CNBD1: variants seen among roughly 807,000 people sequenced by gnomAD.
CNBD1 encodes cyclic nucleotide-binding domain-containing protein 1.
CNBD1 carries 71 observed loss-of-function variants against 54.4 expected under a neutral mutation model. That is an observed-to-expected ratio of 1.30 (90% CI 1.08 to 1.59). The LOEUF (loss-of-function observed/expected upper bound fraction) is 1.59. Among genes scored for constraint, CNBD1 ranks in the 40% most tolerant of loss-of-function variants. The pLI is 0.00. For synonymous variants in CNBD1, 182 were observed against 170.7 expected, an observed-to-expected ratio of 1.07 and a Z score of -0.51; for missense variants, 659 against 518.0, an observed-to-expected ratio of 1.27 and a Z score of -2.64.
At chr8:87,025,542 G>A (rs1412543634) in intron 4 of CNBD1, among the ~76,000 whole-genome samples, 1 of 151,282 alleles carries the variant, frequency 6.6e-6, no homozygotes, top group East Asian at 1.9e-4. Context: ...CTTTACTCTT[G>A]AAATCAGCGA....
chr8:87,201,445 G>A (rs977239446), intron 4 of CNBD1, among the ~76,000 whole-genome samples: 1 of 152,142 alleles, frequency 6.6e-6, no homozygotes, highest in Non-Finnish European at 1.5e-5. Context: ...AACTATCTCT[G>A]TTTGCAAATG....
intron 10 of CNBD1, among the ~76,000 whole-genome samples, chr8:87,373,071 A>G (rs948233805): frequency 6.6e-6 from 1 of 151,912 alleles, no homozygotes; most frequent in Non-Finnish European, 1.5e-5. Context: ...GACCATTTCA[A>G]GTATTTGGAT....
chr8:86,919,030 T>A (rs374618370), intron 3 of CNBD1, among the ~76,000 whole-genome samples: 1,631 of 150,934 alleles, frequency 0.011, 7 homozygotes, highest in African/African-American at 0.014. Flanking sequence ...CTTTTTTTTT[T>A]AAAAAAAAAG....
chr8:87,266,903 G>C lies in CNBD1; in HGVS notation c.772-17775G>C, dbSNP rs559107382. Among the ~76,000 whole-genome samples the C allele has an allele frequency of 2.0e-5, 3 of 152,190 alleles. No individual in the cohort carries two copies. The South Asian group carries it at 6.2e-4, about 32-fold the overall frequency. ...ATAAAACTTAATTTAGGCATCACAT[G>C]CCTAATGATGAAAGGAAAGACTTCG... On this transcript the variant is annotated intron_variant, in intron 6 of 10. Transcript: ENST00000518476.
intron 6 of CNBD1, among the ~76,000 whole-genome samples, chr8:87,240,078 ACAC>A (rs1807664137): frequency 6.7e-6 from 1 of 150,280 alleles, no homozygotes; most frequent in African/African-American, 2.4e-5. Context: ...ACACACACAC[ACAC>A]ACACACACAC....
chr8:87,260,536 C>T (rs1357622825), intron 6 of CNBD1, among the ~76,000 whole-genome samples: 1 of 152,114 alleles, frequency 6.6e-6, no homozygotes, highest in African/African-American at 2.4e-5. Context: ...CAAAACTTTA[C>T]AGGGGAGATA....
rs115551314 is a variant in CNBD1 at position 86,968,601 on chromosome 8, A to G, written c.431+28847A>G. Among the ~76,000 whole-genome samples the G allele has an allele frequency of 6.6e-3, 998 of 152,338 alleles. 19 individuals are homozygous for G. The highest frequency in any genetic ancestry group is 0.023 in the African/African-American group (945 of 41,588). ...CAAAGATGATTTTGAAGGCCTCAGT[A>G]TTCAAAGGAGAAGGGCAGATATTTG... is the stretch of plus-strand genomic sequence containing the variant. On this transcript the variant is annotated intron_variant, in intron 4 of 10. Transcript: ENST00000518476.
chr8:87,083,498 C>T (rs1418172509), intron 4 of CNBD1, among the ~76,000 whole-genome samples: 1 of 151,890 alleles, frequency 6.6e-6, no homozygotes, highest in Non-Finnish European at 1.5e-5. Context: ...AACCAACTGT[C>T]AACCAAAAAT....
chr8:86,904,999 C>T (rs1177075300), intron 2 of CNBD1, 82 bp from the exon 3 acceptor site: 8 of 654,820 alleles, frequency 1.2e-5, no homozygotes, highest in Admixed American at 8.0e-5. Flanking sequence ...AGAATTGATA[C>T]GTATATATTG....
chr8:87,042,888 T>C (rs1810102953), intron 4 of CNBD1, among the ~76,000 whole-genome samples: 1 of 152,144 alleles, frequency 6.6e-6, no homozygotes, highest in South Asian at 2.1e-4. Flanking sequence ...ATTATATCTA[T>C]ATACAGATTT....
intron 4 of CNBD1, among the ~76,000 whole-genome samples, chr8:86,963,503 C>G (rs1252798078): frequency 1.3e-5 from 2 of 152,124 alleles, no homozygotes; most frequent in Non-Finnish European, 2.9e-5. Flanking sequence ...TAGCCCTTGC[C>G]AAATTGCAGC....
At chr8:87,044,655 G>T (rs1052520179) in intron 4 of CNBD1, 4 of 152,156 alleles carry the variant, frequency 2.6e-5, no homozygotes, top group Non-Finnish European at 5.9e-5. Flanking sequence ...ACAGCTGTGG[G>T]ATGTCTCTAG....
chr8:87,309,733 G>A (rs1174274457), intron 8 of CNBD1, among the ~76,000 whole-genome samples: 1 of 151,884 alleles, frequency 6.6e-6, no homozygotes, highest in African/African-American at 2.4e-5. Flanking sequence ...TCATCTCCTG[G>A]ATAGAGTGAT....
chr8:87,428,561 C>T (rs1204911277), exon 3 of CNBD1: 1 of 453,078 alleles, frequency 2.2e-6, no homozygotes, highest in East Asian at 7.1e-5. Flanking sequence ...GACCCAGTGA[C>T]CAAGCAACTT....
intron 2 of CNBD1, among the ~76,000 whole-genome samples, chr8:87,418,677 C>T (rs940572976): frequency 6.6e-6 from 1 of 151,830 alleles, no homozygotes; most frequent in South Asian, 2.1e-4. Context: ...AACAAAAATA[C>T]CTTATTTAAA....
In CNBD1 at chr8:86,931,865, G is replaced by A. The variant is rs1469378658; in HGVS notation, c.273-7731G>A. Among the ~76,000 whole-genome samples, 3 of 152,164 alleles carry A rather than the reference G, an allele frequency of 2.0e-5. No individual in the cohort carries two copies. The East Asian group carries it at 5.8e-4, about 29-fold the overall frequency. The stretch of plus-strand genomic sequence containing the variant: ...CCTAGCTGCTTGAGGAAAGCAGTAA[G>A]ATTTTCTTCCTTTCCCTGAGTTATG... On this transcript the variant is annotated intron_variant, in intron 3 of 10. Coordinates refer to ENST00000518476, the MANE Select transcript of CNBD1 (RefSeq NM_173538.3).
intron 4 of CNBD1, among the ~76,000 whole-genome samples, chr8:86,981,936 G>T (rs763601399): frequency 2.6e-5 from 4 of 152,058 alleles, no homozygotes; most frequent in Non-Finnish European, 5.9e-5. Context: ...CACAGAAGTG[G>T]GATTCCCGGG....
chr8:87,225,637 T>C (rs1383870887), intron 5 of CNBD1, among the ~76,000 whole-genome samples: 2 of 152,280 alleles, frequency 1.3e-5, no homozygotes, highest in African/African-American at 2.4e-5. Flanking sequence ...CTGGATTCGG[T>C]TTGCCAGTAT....
chr8:86,874,986 T>TTATTTATATATA (rs1554626870), intron 1 of CNBD1, among the ~76,000 whole-genome samples: 2 of 120,120 alleles, frequency 1.7e-5, no homozygotes, highest in Non-Finnish European at 3.4e-5. Context: ...GTAAATCAAT[T>TTATTTATATATA]TATATATATA....
Sources: gnomAD v4.1 joint callset for allele counts (sites outside exome capture counted in the v4.1 genomes callset) on GRCh38, gnomAD v4.1.1 for gene constraint, MANE v1.5 for transcripts, NCBI Gene and HGNC (gene_info 2026-07-23, HGNC 2026-07-21) for gene names.